The following ZBTB11 variants were observed in gnomAD, a reference collection of about 807,000 sequenced individuals.
ZBTB11 encodes zinc finger and BTB domain containing 11.
A neutral mutation model predicts 113.1 loss-of-function variants in ZBTB11; 68 were observed. That is an observed-to-expected ratio of 0.60 (90% confidence interval 0.49 to 0.74). The LOEUF (loss-of-function observed/expected upper bound fraction) is 0.74. Ranked by LOEUF, ZBTB11 falls within the 30% of genes least tolerant of loss-of-function variation. The pLI is 0.00. For synonymous variants in ZBTB11, 518 were observed against 452.6 expected (o/e 1.14, Z -1.83); for missense variants, 1,104 against 1,279.4 (o/e 0.86, Z 2.09).
At chr3:101,674,717 AAAT>A (rs1361538319) in intron 1 of ZBTB11, among the ~76,000 whole-genome samples, 45 of 68,664 alleles carry the variant, frequency 6.6e-4, no homozygotes, top group Middle Eastern at 0.012. Flanking sequence ...TAAATAAAAT[AAAT>A]AAATAAATAA....
chr3:101,654,569 T>A (rs1361677631), intron 8 of ZBTB11, 135 bp downstream of exon 8: 2 of 697,442 alleles, frequency 2.9e-6, no homozygotes, highest in African/African-American at 3.6e-5. Flanking sequence ...ATAGTAACCC[T>A]TAAGCAAGAA....
intron 8 of ZBTB11, among the ~76,000 whole-genome samples, chr3:101,654,341 C>T (rs1010377262): frequency 6.6e-6 from 1 of 151,910 alleles, no homozygotes; most frequent in Non-Finnish European, 1.5e-5. Context: ...GTGCCTGTCC[C>T]GATTAATTTT....
At chr3:101,674,265 G>A (rs2108328967) in intron 1 of ZBTB11, among the ~76,000 whole-genome samples, 1 of 152,214 alleles carries the variant, frequency 6.6e-6, no homozygotes, top group East Asian at 1.9e-4. Flanking sequence ...GCAGTGAGCC[G>A]AGATCGCGCC....
rs781687099 is a variant in ZBTB11, at chr3:101,676,908, T to C, written c.7A>G (p.Ser3Gly). Residue 3 changes from serine (S) to glycine (G), a missense_variant, in exon 1 of 11, where the codon AGC becomes GGC. Ser to Gly is a moderately conservative substitution (Grantham distance 56, BLOSUM62 0). This residue lies in a region of ZBTB11 where 245 missense variants were observed against 272.5 expected (regional missense o/e 0.90). Coordinates refer to ENST00000312938, the MANE Select transcript of ZBTB11 (RefSeq NM_014415.4). MS[S>G]EESYRAILRY... The stretch of plus-strand genomic sequence containing the variant: ...AGGATGGCCCGGTAGCTTTCCTCGC[T>C]TGACATCGCGGACCGCGGCTCCCTG... 6.6e-5 allele frequency: 103 copies of C among 1,567,994 alleles called. No individual in the cohort carries two copies. The highest frequency in any genetic ancestry group is 6.4e-5 in the Non-Finnish European group (74 of 1,152,440).
chr3:101,660,339 A>G (rs1378725843), intron 5 of ZBTB11, among the ~76,000 whole-genome samples: 1 of 152,214 alleles, frequency 6.6e-6, no homozygotes, highest in Non-Finnish European at 1.5e-5. Flanking sequence ...CAGGTGGAAC[A>G]GGAGTAGGGG....
intron 2 of ZBTB11, 112 bp downstream of exon 2, chr3:101,671,866 T>C: frequency 1.3e-6 from 1 of 796,810 alleles, no homozygotes. Flanking sequence ...ACACTGCCAT[T>C]TTGTCTTATT....
chr3:101,669,137 A>T (rs1343074308), intron 3 of ZBTB11, among the ~76,000 whole-genome samples: 2 of 152,062 alleles, frequency 1.3e-5, no homozygotes, highest in Non-Finnish European at 2.9e-5. Flanking sequence ...GGATCAAGTG[A>T]TCCTCCTACC....
chr3:101,660,831 G>A (rs1433675432), intron 5 of ZBTB11, among the ~76,000 whole-genome samples: 1 of 151,948 alleles, frequency 6.6e-6, no homozygotes, highest in Non-Finnish European at 1.5e-5. Flanking sequence ...TTCCTTTCTT[G>A]CTTTTTGTTT....
rs1301953538 is a variant in ZBTB11, at chr3:101,651,687, A to T, written c.2645-4T>A. 2.3e-5 allele frequency: 7 copies of T among 307,480 alleles called. No homozygotes were observed. Among genetic ancestry groups the T allele is most frequent in the African/African-American group, 1.0e-4 (3 of 29,740 alleles). 19.0% of individuals were successfully genotyped at this position (307,480 alleles called of 1,614,324 possible). Reference sequence around the variant, plus strand: ...AAGCACTCAAATGGCTTAACTCCTAAAAAAAAAAAAAAAAAAGCATGTGTA... The same window carrying T: ...AAGCACTCAAATGGCTTAACTCCTATAAAAAAAAAAAAAAAAGCATGTGTA... On this transcript the variant is annotated splice_region_variant and splice_polypyrimidine_tract_variant and intron_variant, in intron 10 of 10. Transcript: ENST00000312938.
chr3:101,659,355 C>T (rs1936849194), intron 6 of ZBTB11, among the ~76,000 whole-genome samples: 1 of 152,184 alleles, frequency 6.6e-6, no homozygotes, highest in Non-Finnish European at 1.5e-5. Flanking sequence ...GGATTCACTA[C>T]CCTTGAGTCT....
chr3:101,671,829 G>A (rs1267835403), intron 2 of ZBTB11, 149 bp downstream of exon 2: 3 of 641,512 alleles, frequency 4.7e-6, no homozygotes, highest in South Asian at 1.8e-5. Context: ...GATAAATGAA[G>A]AGGCAGTTCA....
At chr3:101,653,888 T>G (rs2108315510) in intron 8 of ZBTB11, among the ~76,000 whole-genome samples, 1 of 152,240 alleles carries the variant, frequency 6.6e-6, no homozygotes, top group East Asian at 1.9e-4. Flanking sequence ...AAGAGAGAGC[T>G]TCCTGGCTTT....
intron 1 of ZBTB11, among the ~76,000 whole-genome samples, chr3:101,674,471 G>C (rs1937130746): frequency 6.6e-6 from 1 of 152,164 alleles, no homozygotes; most frequent in Admixed American, 6.5e-5. Flanking sequence ...AGCGCTTTGG[G>C]AGGTCGAGGT....
At chr3:101,664,489 T>G (rs773460021) in intron 5 of ZBTB11, 49 bp downstream of exon 5, 194 of 1,531,830 alleles carry the variant, frequency 1.3e-4, no homozygotes, top group Non-Finnish European at 1.7e-4. Context: ...AGTTGGATTC[T>G]ATATATTATG....
intron 7 of ZBTB11, among the ~76,000 whole-genome samples, chr3:101,655,367 G>T (rs929815352): frequency 6.6e-6 from 1 of 152,192 alleles, no homozygotes; most frequent in Non-Finnish European, 1.5e-5. Context: ...TCTATGGATT[G>T]TAATAGTACT....
intron 5 of ZBTB11, among the ~76,000 whole-genome samples, chr3:101,661,425 T>C (rs1936885714): frequency 6.6e-6 from 1 of 152,174 alleles, no homozygotes; most frequent in Non-Finnish European, 1.5e-5. Flanking sequence ...AACAGCTTCC[T>C]GAGAAAATTT....
At chr3:101,659,664 A>T (rs1936854004) in intron 6 of ZBTB11, 119 bp downstream of exon 6, 1 of 1,311,986 alleles carries the variant, frequency 7.6e-7, no homozygotes, top group Non-Finnish European at 1.0e-6. Context: ...GAAGTCATAA[A>T]TTTACCTGAC....
At chr3:101,662,733 T>C (rs761321304) in intron 5 of ZBTB11, among the ~76,000 whole-genome samples, 1 of 152,226 alleles carries the variant, frequency 6.6e-6, no homozygotes, top group Non-Finnish European at 1.5e-5. Flanking sequence ...TTAGTAGTTT[T>C]ATTTTCTCGC....
rs570359404 is a variant in ZBTB11 at position 101,664,846 on chromosome 3, T to C, written c.1623+118A>G. On this transcript the variant is annotated intron_variant, in intron 4 of 10. Coordinates refer to ENST00000312938, the MANE Select transcript of ZBTB11 (RefSeq NM_014415.4). ...TAATACTGGCATTTAAAACATTAAG[T>C]TGCTACCTTGTACCCATCTCACCTC... 4.0e-5 allele frequency: 59 copies of C among 1,476,844 alleles called. No homozygotes were observed. The Admixed American group carries it at 4.1e-4, about 10-fold the overall frequency. The allele number at this position is 1,476,844 out of a possible 1,614,324, so 91.5% of individuals were successfully genotyped here.
Sources: allele counts gnomAD v4.1 joint callset (sites outside exome capture counted in the v4.1 genomes callset), GRCh38; gene constraint gnomAD v4.1.1; regional missense constraint gnomAD v4.1.1; transcripts MANE v1.5; gene names NCBI Gene and HGNC (gene_info 2026-07-23, HGNC 2026-07-21).